LHFPL3: variants seen among roughly 807,000 people sequenced by gnomAD.
LHFPL3 encodes the protein LHFPL tetraspan subfamily member 3, also known as LHFPL tetraspan subfamily member 3 protein.
In LHFPL3, 5 loss-of-function variants were observed where a neutral mutation model predicts 19.3. That is an observed-to-expected ratio of 0.26 (90% CI 0.14 to 0.54). The LOEUF (loss-of-function observed/expected upper bound fraction) is 0.54, where lower values mean the gene tolerates loss of function less well. Among genes scored for constraint, LHFPL3 ranks in the 20% least tolerant of loss-of-function variants. The pLI is 0.94. For missense variants in LHFPL3, 249 were observed against 307.4 expected, an observed-to-expected ratio of 0.81 and a Z score of 1.42; for synonymous variants, 133 against 126.2, an observed-to-expected ratio of 1.05 and a Z score of -0.36.
intron 1 of LHFPL3, among the ~76,000 whole-genome samples, chr7:104,358,544 T>C (rs77251954): frequency 6.6e-6 from 1 of 152,204 alleles, no homozygotes; most frequent in Non-Finnish European, 1.5e-5. Flanking sequence ...TTGTTCTACA[T>C]GTACAGCTTA....
chr7:104,475,670 C>T (rs1562909267), intron 1 of LHFPL3, among the ~76,000 whole-genome samples: 1 of 152,130 alleles, frequency 6.6e-6, no homozygotes, highest in African/African-American at 2.4e-5. Context: ...CTTATAATTT[C>T]ATGTTGATGA....
chr7:104,613,320 T>C (rs1791245031), intron 1 of LHFPL3, among the ~76,000 whole-genome samples: 1 of 152,134 alleles, frequency 6.6e-6, no homozygotes, highest in Non-Finnish European at 1.5e-5. Context: ...AGGGCATATC[T>C]GGTTTAAAAG....
At chr7:104,743,734 A>G (rs1793980600) in intron 2 of LHFPL3, among the ~76,000 whole-genome samples, 1 of 152,236 alleles carries the variant, frequency 6.6e-6, no homozygotes, top group South Asian at 2.1e-4. Context: ...TATTTTATCT[A>G]AATTTTCACA....
chr7:104,374,681 C>G (rs17331419), intron 1 of LHFPL3, among the ~76,000 whole-genome samples: 94,880 of 151,918 alleles, frequency 0.62, 30,002 homozygotes, highest in African/African-American at 0.71. Flanking sequence ...GGAACCCTGC[C>G]TTGATCTAAT....
intron 1 of LHFPL3, among the ~76,000 whole-genome samples, chr7:104,520,294 A>G (rs548857537): frequency 1.6e-4 from 24 of 150,330 alleles, no homozygotes; most frequent in African/African-American, 5.7e-4. Context: ...CCAGGGATGA[A>G]GCCCACTTGA....
intron 2 of LHFPL3, among the ~76,000 whole-genome samples, chr7:104,761,016 C>G (rs533429349): frequency 6.6e-6 from 1 of 151,580 alleles, no homozygotes; most frequent in Non-Finnish European, 1.5e-5. Flanking sequence ...GCTAACTGGA[C>G]AGGAGCAGGT....
chr7:104,432,853 A>G (rs1043347026), intron 1 of LHFPL3, among the ~76,000 whole-genome samples: 1 of 151,842 alleles, frequency 6.6e-6, no homozygotes, highest in African/African-American at 2.4e-5. Flanking sequence ...ACTCTTTTTT[A>G]TCTTCCTGTG....
intron 1 of LHFPL3, among the ~76,000 whole-genome samples, chr7:104,735,066 C>G (rs145984714): frequency 0.019 from 2,889 of 152,296 alleles, 35 homozygotes; most frequent in Middle Eastern, 0.031. Context: ...GCTGTCTGAT[C>G]GTTCCTCTGG....
chr7:104,494,625 G>C (rs1793421754), intron 1 of LHFPL3, among the ~76,000 whole-genome samples: 1 of 152,116 alleles, frequency 6.6e-6, no homozygotes, highest in Admixed American at 6.6e-5. Context: ...AGCCATGCTT[G>C]CTTTCTTATT....
At chr7:104,888,979 G>C (rs371848803) in intron 2 of LHFPL3, among the ~76,000 whole-genome samples, 1 of 152,122 alleles carries the variant, frequency 6.6e-6, no homozygotes, top group African/African-American at 2.4e-5. Context: ...ACGTCAAGGA[G>C]AGATGAGTTG....
chr7:104,545,709 A>G (rs945583564), intron 1 of LHFPL3, among the ~76,000 whole-genome samples: 5 of 152,300 alleles, frequency 3.3e-5, no homozygotes, highest in East Asian at 1.9e-4. Context: ...TAGTCTAGCC[A>G]TTTTCATCCT....
intron 1 of LHFPL3, among the ~76,000 whole-genome samples, chr7:104,427,089 C>G (rs1434551783): frequency 6.6e-6 from 1 of 152,146 alleles, no homozygotes; most frequent in East Asian, 1.9e-4. Context: ...CCTAACGTCT[C>G]GAGGTTTTCA....
chr7:104,552,642 A>T (rs929808165), intron 1 of LHFPL3, among the ~76,000 whole-genome samples: 1 of 152,188 alleles, frequency 6.6e-6, no homozygotes, highest in African/African-American at 2.4e-5. Flanking sequence ...GCAGGAATAC[A>T]TTCAGTTCTT....
intron 1 of LHFPL3, among the ~76,000 whole-genome samples, chr7:104,436,669 TGAGG>T (rs1792112526): frequency 6.6e-6 from 1 of 152,250 alleles, no homozygotes; most frequent in South Asian, 2.1e-4. Context: ...GACATCTATA[TGAGG>T]AAGGGCAGCA....
chr7:104,455,880 C>T (rs988312893), intron 1 of LHFPL3, among the ~76,000 whole-genome samples: 10 of 151,996 alleles, frequency 6.6e-5, no homozygotes, highest in African/African-American at 1.5e-4. Context: ...TAAACCATTG[C>T]GTGTAATTTT....
intron 1 of LHFPL3, among the ~76,000 whole-genome samples, chr7:104,413,599 CGTCTGGCTCCAGA>C (rs1562889839): frequency 6.6e-6 from 1 of 152,124 alleles, no homozygotes; most frequent in Non-Finnish European, 1.5e-5. Context: ...GGAACCAGGT[CGTCTGGCTCCAGA>C]GTCCATATTC....
intron 1 of LHFPL3, among the ~76,000 whole-genome samples, chr7:104,547,242 C>CA (rs59524599): frequency 0.24 from 2,311 of 9,612 alleles, 927 homozygotes; most frequent in Non-Finnish European, 0.33. Flanking sequence ...GACTCCGTCT[C>CA]AAAAAAAAAA....
At chr7:104,456,084 C>T (rs1257534378) in intron 1 of LHFPL3, among the ~76,000 whole-genome samples, 3 of 152,094 alleles carry the variant, frequency 2.0e-5, no homozygotes, top group Non-Finnish European at 4.4e-5. Context: ...TGTTTCGGCT[C>T]TACATAAACA....
intron 2 of LHFPL3, among the ~76,000 whole-genome samples, chr7:104,824,763 ATATAT>A (rs1443648491): frequency 1.9e-4 from 6 of 31,572 alleles, no homozygotes; most frequent in Admixed American, 6.7e-4. Flanking sequence ...ATTATATATA[ATATAT>A]TATATATTAT....
Sources: allele counts gnomAD v4.1 joint callset (sites outside exome capture counted in the v4.1 genomes callset), GRCh38; gene constraint gnomAD v4.1.1; transcripts MANE v1.5; gene names NCBI Gene and HGNC (gene_info 2026-07-23, HGNC 2026-07-21).